The following MAP3K19 variants were observed in gnomAD, a reference collection of about 807,000 sequenced individuals.
MAP3K19 encodes SPS1/STE20-related protein kinase YSK4.
In MAP3K19, 91 loss-of-function variants were observed where a neutral mutation model predicts 114.4. The ratio of observed to expected loss-of-function variants is 0.80; its 90% CI spans 0.67 to 0.95. The LOEUF is 0.95. Ranked by LOEUF, MAP3K19 falls within the 40% of genes least tolerant of loss-of-function variation. The probability of loss-of-function intolerance (pLI) is 0.00; values close to 1 mark genes in which losing one functional copy is unlikely to be tolerated. For synonymous variants in MAP3K19, 518 were observed against 530.5 expected (o/e 0.98, Z 0.32); for missense variants, 1,471 against 1,573.2 (o/e 0.94, Z 1.10).
intron 5 of MAP3K19, among the ~76,000 whole-genome samples, chr2:135,009,705 GC>G (rs1559177067): frequency 6.6e-6 from 1 of 151,800 alleles, no homozygotes; most frequent in African/African-American, 2.4e-5. Flanking sequence ...ATGATGACTA[GC>G]ATTTACATAT....
At position 134,981,518 on chromosome 2, in the gene MAP3K19, C is replaced by T. The variant is rs778243045; in HGVS notation, c.3223G>A (p.Val1075Ile). ...EILGKGAYGT[V>I]YCGLTSQGQL... Reference sequence around the variant, plus strand: ...CCTTGACTAGTGAGACCACAGTATACCTAGAAGCAAATCAATAATACCTTG... The same window carrying T: ...CCTTGACTAGTGAGACCACAGTATATCTAGAAGCAAATCAATAATACCTTG... Residue 1075 changes from valine (V) to isoleucine (I), a missense_variant and splice_region_variant, in exon 12 of 13, where the codon GTA becomes ATA. By Grantham distance (29) the Val-to-Ile change is conservative (BLOSUM62 3). Transcript: ENST00000392915. The T allele has an allele frequency of 1.9e-6, 3 of 1,595,806 alleles. No individual in the cohort carries two copies. The South Asian group carries it at 3.4e-5, about 18-fold the overall frequency.
At chr2:135,011,863 A>G (rs911288125) in intron 5 of MAP3K19, among the ~76,000 whole-genome samples, 5 of 152,122 alleles carry the variant, frequency 3.3e-5, no homozygotes, top group Non-Finnish European at 7.4e-5. Flanking sequence ...CAGGAGTTTG[A>G]GACCAGCCTG....
intron 12 of MAP3K19, among the ~76,000 whole-genome samples, chr2:134,966,648 T>C (rs942937508): frequency 5.9e-5 from 9 of 152,228 alleles, no homozygotes; most frequent in Non-Finnish European, 1.2e-4. Context: ...TGAGGAGCTC[T>C]GTGCCTTGAG....
intron 12 of MAP3K19, among the ~76,000 whole-genome samples, chr2:134,968,138 T>G (rs1211095008): frequency 1.3e-5 from 2 of 152,068 alleles, no homozygotes; most frequent in Non-Finnish European, 2.9e-5. Context: ...TAACCCTGAG[T>G]GGACACAGCA....
chr2:134,999,968 CTTGGG>C lies in MAP3K19; in HGVS notation c.278_282del (p.Pro93ArgfsTer31). 1 of 1,611,796 alleles carries C rather than the reference CTTGGG, an allele frequency of 6.2e-7. No homozygotes were observed. Among genetic ancestry groups the C allele is most frequent in the East Asian group, 2.2e-5 (1 of 44,840 alleles). On this transcript the variant is annotated frameshift_variant, in exon 7 of 13. Coordinates refer to ENST00000392915, the MANE Select transcript of MAP3K19 (RefSeq NM_025052.5). LOFTEE classifies it high-confidence loss of function. The surrounding 1 kb of genome is among the most constrained non-coding windows in gnomAD (Gnocchi z 4.1). ...TCTTTTAAGTCTTCTTGGCTCATTT[CTTGGG>C]GAGGACTGACATCTCTTGGAAAAGT...
At chr2:135,007,391 TATTC>T (rs1686903108) in intron 5 of MAP3K19, among the ~76,000 whole-genome samples, 1 of 152,054 alleles carries the variant, frequency 6.6e-6, no homozygotes, top group South Asian at 2.1e-4. Context: ...GTAAATGGAG[TATTC>T]ATCACATCAA....
chr2:135,023,875 A>G (rs866539313), intron 4 of MAP3K19, among the ~76,000 whole-genome samples: 1 of 151,924 alleles, frequency 6.6e-6, no homozygotes, highest in African/African-American at 2.4e-5. Context: ...TCTGGCTTAA[A>G]ATTCTTTAGT....
chr2:134,975,943 G>A (rs920679024), intron 12 of MAP3K19, among the ~76,000 whole-genome samples: 4 of 152,208 alleles, frequency 2.6e-5, no homozygotes, highest in African/African-American at 9.7e-5. Flanking sequence ...ACCTCAGGTA[G>A]GCAGTTCTTA....
chr2:134,998,897 G>T lies in MAP3K19; in HGVS notation c.415C>A (p.Arg139=), dbSNP rs141899370. Residue 139 remains arginine (R), a synonymous_variant, in exon 8 of 13, where the codon CGG becomes AGG. Coordinates refer to ENST00000392915, the MANE Select transcript of MAP3K19 (RefSeq NM_025052.5). ...VELRKKKLTM[R]PLVLQKEESS... is the part of the protein sequence containing the mutation. Reference sequence around the variant, plus strand: ...TCCTCTTTTTGCAAAACTAAGGGCCGCATGGTCAGCTTCTTTTTCCTGAGC... The same window carrying T: ...TCCTCTTTTTGCAAAACTAAGGGCCTCATGGTCAGCTTCTTTTTCCTGAGC... 3.5e-5 allele frequency: 57 copies of T among 1,614,022 alleles called. No individual in the cohort carries two copies. The highest frequency in any genetic ancestry group is 2.2e-4 in the East Asian group (10 of 44,900).
intron 3 of MAP3K19, among the ~76,000 whole-genome samples, chr2:135,026,978 A>G (rs1273979162): frequency 6.6e-6 from 1 of 152,222 alleles, no homozygotes; most frequent in African/African-American, 2.4e-5. Flanking sequence ...TATATAGTAG[A>G]AAACAGCCTG....
intron 12 of MAP3K19, among the ~76,000 whole-genome samples, chr2:134,968,682 C>T (rs1219252744): frequency 1.3e-5 from 2 of 150,670 alleles, no homozygotes; most frequent in African/African-American, 4.9e-5. Context: ...GGGTCGCGGC[C>T]GGGCAGAGGC....
intron 5 of MAP3K19, among the ~76,000 whole-genome samples, chr2:135,016,562 A>T (rs1230563076): frequency 6.6e-6 from 1 of 152,126 alleles, no homozygotes; most frequent in African/African-American, 2.4e-5. Context: ...CTAGGTTTTG[A>T]TTGGGACTGT....
intron 12 of MAP3K19, among the ~76,000 whole-genome samples, chr2:134,972,021 T>G (rs1683915034): frequency 6.6e-6 from 1 of 152,120 alleles, no homozygotes. Flanking sequence ...GATACAGGCA[T>G]GCAATGTCAA....
At chr2:135,027,361 GAA>G (rs1406849077) in intron 3 of MAP3K19, among the ~76,000 whole-genome samples, 2 of 132,982 alleles carry the variant, frequency 1.5e-5, no homozygotes, top group Non-Finnish European at 3.2e-5. Flanking sequence ...GAGAAAGAAA[GAA>G]AGAGAGAGAG....
chr2:135,030,266 C>T (rs1688349526), intron 3 of MAP3K19, 46 bp downstream of exon 3: 1 of 152,558 alleles, frequency 6.6e-6, no homozygotes, highest in African/African-American at 2.4e-5. Context: ...GTGCCCTTTT[C>T]ACCATCCACT....
intron 2 of MAP3K19, among the ~76,000 whole-genome samples, chr2:135,034,960 G>A (rs1688495299): frequency 6.6e-6 from 1 of 151,970 alleles, no homozygotes; most frequent in African/African-American, 2.4e-5. Context: ...TCAAGAAAAT[G>A]TGATATTATT....
chr2:134,983,627 A>T, intron 11 of MAP3K19, 49 bp downstream of exon 11: 1 of 1,167,386 alleles, frequency 8.6e-7, no homozygotes, highest in Non-Finnish European at 1.1e-6. Flanking sequence ...GGAGGGAGGG[A>T]CTGTGGGGGG....
chr2:134,980,783 G>T, intron 12 of MAP3K19, 38 bp downstream of exon 12: 1 of 1,568,352 alleles, frequency 6.4e-7, no homozygotes, highest in East Asian at 2.3e-5. Context: ...TGGAATCTCC[G>T]GGCATTTATC....
chr2:135,011,606 TG>T (rs1490592239), intron 5 of MAP3K19, among the ~76,000 whole-genome samples: 1 of 151,744 alleles, frequency 6.6e-6, no homozygotes, highest in Non-Finnish European at 1.5e-5. Flanking sequence ...GGCTCACACC[TG>T]TAATTCCTGC....
Sources: gnomAD v4.1 joint callset for allele counts (sites outside exome capture counted in the v4.1 genomes callset) on GRCh38, gnomAD v4.1.1 for gene constraint, Gnocchi (gnomAD v3.1) non-coding constraint, MANE v1.5 for transcripts, NCBI Gene and HGNC (gene_info 2026-07-23, HGNC 2026-07-21) for gene names.